The following CUL1 variants were observed in gnomAD, a reference collection of about 807,000 sequenced individuals.
The protein encoded by CUL1 is cullin-1.
A neutral mutation model predicts 118.0 loss-of-function variants in CUL1; 24 were observed. The observed-to-expected ratio is 0.20, with a 90% CI of 0.15 to 0.29. CUL1 has a LOEUF of 0.29. Among genes scored for constraint, CUL1 ranks in the 10% least tolerant of loss-of-function variants. The pLI is 1.00. For missense variants in CUL1, 361 were observed against 933.8 expected (o/e 0.39, Z 7.99); for synonymous variants, 332 against 340.4 (o/e 0.98, Z 0.27).
intron 2 of CUL1, among the ~76,000 whole-genome samples, chr7:148,750,188 C>G (rs1396945008): frequency 6.6e-6 from 1 of 152,056 alleles, no homozygotes; most frequent in Non-Finnish European, 1.5e-5. Flanking sequence ...TGGAGAATAG[C>G]AAGTTAGCCA....
At position 148,760,500 on chromosome 7, in the gene CUL1, A is replaced by G; in HGVS notation, c.789+4A>G. ...AGTTACTGAATATATGAAAAAGGTA[A>G]GCTTAAATATAGTACTTTAAGTAGA... On this transcript the variant is annotated splice_donor_region_variant and intron_variant, in intron 7 of 21. Coordinates refer to ENST00000325222, the MANE Select transcript of CUL1 (RefSeq NM_003592.3). The G allele has an allele frequency of 6.2e-7, 1 of 1,603,874 alleles. No individual in the cohort carries two copies. The highest frequency in any genetic ancestry group is 8.5e-7 in the Non-Finnish European group (1 of 1,174,432).
At chr7:148,754,979 C>A (rs1185265082) in intron 3 of CUL1, among the ~76,000 whole-genome samples, 1 of 152,136 alleles carries the variant, frequency 6.6e-6, no homozygotes, top group Admixed American at 6.5e-5. Flanking sequence ...GTCTCCAACT[C>A]CTGGGCTCAA....
At chr7:148,708,524 G>T (rs996428858) in intron 1 of CUL1, among the ~76,000 whole-genome samples, 2 of 152,224 alleles carry the variant, frequency 1.3e-5, no homozygotes, top group Non-Finnish European at 2.9e-5. Flanking sequence ...CTTCATTCAG[G>T]ACTTGCCTGG....
chr7:148,799,442 A>T, intron 21 of CUL1, 54 bp downstream of exon 21: 1 of 1,261,364 alleles, frequency 7.9e-7, no homozygotes, highest in Non-Finnish European at 1.1e-6. Flanking sequence ...AAGATAAAAG[A>T]TGTAGCAAAA....
Position 148,798,000 on chromosome 7 carries a change from T to C in CUL1, c.2011T>C (p.Leu671=), listed in dbSNP as rs750307430. ...ATTGAAGCCAGATACCTTAATAAAA[T>C]TATATCTTGGTTATAAAAAGTAAGA... ...VELKPDTLIK[L]YLGYKNKKLR... is the part of the protein sequence containing the mutation. Residue 671 remains leucine (L), a synonymous_variant, in exon 19 of 22, where the codon TTA becomes CTA. Coordinates refer to ENST00000325222, the MANE Select transcript of CUL1 (RefSeq NM_003592.3). The C allele has an allele frequency of 1.2e-6, 2 of 1,605,720 alleles. No individual in the cohort carries two copies. The highest frequency in any genetic ancestry group is 4.5e-5 in the East Asian group (2 of 44,824).
At chr7:148,739,104 A>T (rs1053175878) in intron 2 of CUL1, among the ~76,000 whole-genome samples, 1 of 152,196 alleles carries the variant, frequency 6.6e-6, no homozygotes, top group African/African-American at 2.4e-5. Flanking sequence ...CATCCGTTTC[A>T]CAGTCCTTCC....
chr7:148,739,208 G>A (rs1230946905), intron 2 of CUL1, among the ~76,000 whole-genome samples: 1 of 152,216 alleles, frequency 6.6e-6, no homozygotes, highest in Admixed American at 6.5e-5. Flanking sequence ...GGTGTGAGGA[G>A]GGGCTGGTGG....
At chr7:148,707,443 G>A (rs574815088) in intron 1 of CUL1, among the ~76,000 whole-genome samples, 3 of 152,254 alleles carry the variant, frequency 2.0e-5, no homozygotes, top group East Asian at 3.9e-4. Context: ...ATCAAAGCCT[G>A]TGTCATTTAC....
intron 9 of CUL1, among the ~76,000 whole-genome samples, chr7:148,777,476 G>A (rs1343415645): frequency 6.6e-6 from 1 of 152,202 alleles, no homozygotes; most frequent in Non-Finnish European, 1.5e-5. Flanking sequence ...GTAGTCCATA[G>A]ATGTCAACCA....
In CUL1 at chr7:148,751,420, C is replaced by T. The variant is rs376933406; in HGVS notation, c.141-2556C>T. ...AAAATTAGCCAGGAATGGTGGCAGG[C>T]GCCCGTAATCACATCTACTCAGGAG... On this transcript the variant is annotated intron_variant, in intron 2 of 21. Transcript: ENST00000325222. Among the ~76,000 whole-genome samples, 29 of 151,516 alleles carry T rather than the reference C, an allele frequency of 1.9e-4. No individual in the cohort carries two copies. The East Asian group carries it at 3.7e-3, about 19-fold the overall frequency.
At chr7:148,792,860 T>G in intron 17 of CUL1, 42 bp downstream of exon 17, 1 of 1,416,488 alleles carries the variant, frequency 7.1e-7, no homozygotes, top group Non-Finnish European at 9.9e-7. Flanking sequence ...GCTTGCCGTT[T>G]CCTTGTTCTC....
At chr7:148,795,497 T>G (rs1004403354) in intron 17 of CUL1, among the ~76,000 whole-genome samples, 2 of 151,808 alleles carry the variant, frequency 1.3e-5, no homozygotes. Context: ...CAGGGTGTGG[T>G]GGCTCACGCC....
chr7:148,778,460 G>A (rs941407273), intron 9 of CUL1, among the ~76,000 whole-genome samples: 1 of 152,074 alleles, frequency 6.6e-6, no homozygotes, highest in East Asian at 1.9e-4. Flanking sequence ...TACTCTCTAT[G>A]GTTTTATTTC....
rs56093418 is a variant in CUL1, at chr7:148,744,397, AGTGTGTGTGT to A, written c.141-9547_141-9538del. Among the ~76,000 whole-genome samples the A allele has an allele frequency of 5.1e-3, 735 of 144,076 alleles. 6 individuals are homozygous for A. Among genetic ancestry groups the A allele is most frequent in the African/African-American group, 0.017 (648 of 39,094 alleles). 94.5% of individuals were successfully genotyped at this position (144,076 alleles called of 152,430 possible). On this transcript the variant is annotated intron_variant, in intron 2 of 21. Coordinates refer to ENST00000325222, the MANE Select transcript of CUL1 (RefSeq NM_003592.3). ...TAATATATTTGTTGGTTGTTTCTGCAGTGTGTGTGTGTGTGTGTGTGTGTGTGTGTGTGTG... is the reference window on the plus strand; with the variant it reads ...TAATATATTTGTTGGTTGTTTCTGCAGTGTGTGTGTGTGTGTGTGTGTGTG...
At chr7:148,772,229 A>G (rs533197907) in intron 9 of CUL1, among the ~76,000 whole-genome samples, 1 of 152,316 alleles carries the variant, frequency 6.6e-6, no homozygotes, top group South Asian at 2.1e-4. Flanking sequence ...AGCCTGGCCA[A>G]CATGGCGAAA....
chr7:148,752,384 AGTT>A (rs148175534), intron 2 of CUL1, among the ~76,000 whole-genome samples: 14,392 of 152,222 alleles, frequency 0.095, 921 homozygotes, highest in African/African-American at 0.18. Flanking sequence ...AGTATACAGT[AGTT>A]GTTTATTGTA....
chr7:148,722,004 G>A (rs548796947), intron 1 of CUL1, among the ~76,000 whole-genome samples: 2 of 152,326 alleles, frequency 1.3e-5, no homozygotes, highest in East Asian at 3.9e-4. Context: ...CACACTGCAA[G>A]TAAAAGCTTA....
chr7:148,745,082 G>C lies in CUL1; in HGVS notation c.141-8894G>C, dbSNP rs868265364. ...AATCTTTTTTTTCCTCTCAAGAGTT[G>C]ATCGTTTCTGTTGGTCTCTGTGCAA... On this transcript the variant is annotated intron_variant, in intron 2 of 21. Coordinates refer to ENST00000325222, the MANE Select transcript of CUL1 (RefSeq NM_003592.3). Among the ~76,000 whole-genome samples the C allele has an allele frequency of 1.9e-4, 29 of 151,870 alleles. 1 individual carries two copies. Among genetic ancestry groups the C allele is most frequent in the Admixed American group, 9.8e-4 (15 of 15,252 alleles).
upstream of CUL1, chr7:148,698,834 C>CGGCGGGAGGAGGAGGGCCG (rs1797608563): frequency 6.5e-6 from 1 of 153,320 alleles, no homozygotes; most frequent in African/African-American, 2.4e-5. Flanking sequence ...CAGGCGGCGG[C>CGGCGGGAGGAGGAGGGCCG]GGCGGGAGGA....
Sources: gnomAD v4.1 joint callset for allele counts (sites outside exome capture counted in the v4.1 genomes callset) on GRCh38, gnomAD v4.1.1 for gene constraint, MANE v1.5 for transcripts, NCBI Gene and HGNC (gene_info 2026-07-23, HGNC 2026-07-21) for gene names.